Variants in SERF2 observed in about 807,000 individuals in gnomAD.
SERF2 encodes small EDRK-rich factor 2.
SERF2 carries 4 observed loss-of-function variants against 10.7 expected under a neutral mutation model. The ratio of observed to expected loss-of-function variants is 0.37; its 90% confidence interval spans 0.18 to 0.86. SERF2 has a LOEUF of 0.86. Ranked by LOEUF, SERF2 falls within the 40% of genes least tolerant of loss-of-function variation. The probability of loss-of-function intolerance (pLI) is 0.43; values close to 1 mark genes in which losing one functional copy is unlikely to be tolerated. For synonymous variants in SERF2, 26 were observed against 26.0 expected (o/e 1.00, Z 0.01); for missense variants, 47 against 79.1 (o/e 0.59, Z 1.54).
intron 1 of SERF2, among the ~76,000 whole-genome samples, chr15:43,781,488 G>A (rs976673338): frequency 1.6e-4 from 24 of 151,962 alleles, no homozygotes; most frequent in African/African-American, 5.8e-4. Flanking sequence ...GGAGGCAGAG[G>A]TTTCAGTGAG....
chr15:43,794,590 C>G lies in SERF2; in HGVS notation c.*817C>G. The stretch of plus-strand genomic sequence containing the variant: ...CCCTGGTTTGTTCTGTGGTTCTGGG[C>G]TTCTTATATCCGTGTGCCCAGGGCT... On this transcript the variant is annotated 3_prime_UTR_variant, in exon 3 of 3. Transcript: ENST00000249786. 5.8e-6 allele frequency: 1 copy of G among 172,856 alleles called. No individual in the cohort carries two copies. The highest frequency in any genetic ancestry group is 5.6e-5 in the Admixed American group (1 of 17,970). 10.7% of individuals were successfully genotyped at this position (172,856 alleles called of 1,614,324 possible).
rs1567170348 is a variant in SERF2 at position 43,795,253 on chromosome 15, C to G, written c.*1480C>G. On this transcript the variant is annotated 3_prime_UTR_variant, in exon 3 of 3. Coordinates refer to ENST00000249786, the MANE Select transcript of SERF2 (RefSeq NM_001018108.4). ...GCTCTGGTTAGAGAATATGAAGGGC[C>G]TTAGCTTTTAGACCTGTTCTACCTC... The G allele has an allele frequency of 6.2e-7, 1 of 1,607,284 alleles. No individual in the cohort carries two copies. Among genetic ancestry groups the G allele is most frequent in the East Asian group, 2.2e-5 (1 of 44,842 alleles).
In SERF2 at chr15:43,795,601, C is replaced by T; in HGVS notation, c.*1828C>T. On this transcript the variant is annotated 3_prime_UTR_variant, in exon 3 of 3. Transcript: ENST00000249786. ...GCTGAAACACCTCTTCCCCTCTCCC[C>T]CAACTACCTTTGTTAAGGCTCTTGA... The T allele has an allele frequency of 6.2e-7, 1 of 1,611,580 alleles. No individual in the cohort carries two copies. Among genetic ancestry groups the T allele is most frequent in the Non-Finnish European group, 8.5e-7 (1 of 1,177,884 alleles).
chr15:43,782,132 G>A (rs1007702365), intron 1 of SERF2, among the ~76,000 whole-genome samples: 21 of 151,950 alleles, frequency 1.4e-4, no homozygotes, highest in African/African-American at 2.4e-4. Context: ...CAGGTGATCC[G>A]CCCGCCTTGG....
upstream of SERF2, among the ~76,000 whole-genome samples, chr15:43,789,814 C>A: frequency 6.6e-6 from 1 of 151,924 alleles, no homozygotes; most frequent in East Asian, 1.9e-4. Flanking sequence ...TCGAGACCAG[C>A]CTGGCCAACA....
intron 2 of SERF2, among the ~76,000 whole-genome samples, chr15:43,787,197 C>T (rs1170382282): frequency 6.6e-6 from 1 of 151,900 alleles, no homozygotes; most frequent in Non-Finnish European, 1.5e-5. Flanking sequence ...GACGGGGTTT[C>T]ACCGTGTTAG....
chr15:43,792,491 T>C, intron 1 of SERF2, 108 bp downstream of exon 1: 1 of 1,594,240 alleles, frequency 6.3e-7, no homozygotes. Flanking sequence ...AAGGCGTTTC[T>C]CTGGGCGCGC....
chr15:43,795,369 A>G lies in SERF2; in HGVS notation c.*1596A>G. 3 of 1,613,748 alleles carry G rather than the reference A, an allele frequency of 1.9e-6. No homozygotes were observed. Among genetic ancestry groups the G allele is most frequent in the Non-Finnish European group, 2.5e-6 (3 of 1,179,642 alleles). ...TAGCTAGCTCTTCAGGAGAGTATCT[A>G]AGGCCCACTCCATCTTACCTGAACC... is the stretch of plus-strand genomic sequence containing the variant. On this transcript the variant is annotated 3_prime_UTR_variant, in exon 3 of 3. Transcript: ENST00000249786.
intron 2 of SERF2, chr15:43,793,500 T>C: frequency 7.0e-7 from 1 of 1,419,314 alleles, no homozygotes; most frequent in South Asian, 1.5e-5. Context: ...TCACCAGACT[T>C]CTGACCCCTT....
At chr15:43,780,609 G>A (rs891483528) in intron 1 of SERF2, among the ~76,000 whole-genome samples, 1 of 152,020 alleles carries the variant, frequency 6.6e-6, no homozygotes, top group Admixed American at 6.6e-5. Context: ...CCACCCTTCT[G>A]CCTTCTGTAT....
At chr15:43,785,230 G>A (rs1567164809) in intron 1 of SERF2, among the ~76,000 whole-genome samples, 2 of 149,502 alleles carry the variant, frequency 1.3e-5, no homozygotes, top group South Asian at 2.2e-4. Context: ...CACCACACCC[G>A]GCTAATTTTT....
At chr15:43,783,008 C>CTTT (rs61152230) in intron 1 of SERF2, among the ~76,000 whole-genome samples, 14 of 99,818 alleles carry the variant, frequency 1.4e-4, no homozygotes, top group African/African-American at 2.2e-4. Context: ...CCACACCTGG[C>CTTT]TTTTTTTTTT....
Position 43,795,379 on chromosome 15 carries a change from C to G in SERF2, c.*1606C>G. On this transcript the variant is annotated 3_prime_UTR_variant, in exon 3 of 3. Transcript: ENST00000249786. ...TTCAGGAGAGTATCTAAGGCCCACT[C>G]CATCTTACCTGAACCAGTTGGTAAG... 6.2e-7 allele frequency: 1 copy of G among 1,614,112 alleles called. No individual in the cohort carries two copies. The highest frequency in any genetic ancestry group is 1.1e-5 in the South Asian group (1 of 91,068).
rs778999629 is a variant in SERF2, at chr15:43,795,550, A to G, written c.*1777A>G. The stretch of plus-strand genomic sequence containing the variant: ...AGCCCCACCCCTTTGCCCTGGAGAG[A>G]GGAAATGGCTGCTGGGAGCAGAGCT... On this transcript the variant is annotated 3_prime_UTR_variant, in exon 3 of 3. Transcript: ENST00000249786. 2 of 1,614,010 alleles carry G rather than the reference A, an allele frequency of 1.2e-6. No homozygotes were observed. Among genetic ancestry groups the G allele is most frequent in the South Asian group, 2.2e-5 (2 of 91,058 alleles).
Position 43,793,970 on chromosome 15 carries a change from T to TG in SERF2, c.*198dup. 2 of 1,535,590 alleles carry TG rather than the reference T, an allele frequency of 1.3e-6. No homozygotes were observed. Among genetic ancestry groups the TG allele is most frequent in the Non-Finnish European group, 1.8e-6 (2 of 1,140,450 alleles). On this transcript the variant is annotated 3_prime_UTR_variant, in exon 3 of 3. Coordinates refer to ENST00000249786, the MANE Select transcript of SERF2 (RefSeq NM_001018108.4). ...TCTCCCCCTGGGCCACTCCCGGGGG[T>TG]GAGGGGGTTACCCCTTCCCAGTGTT...
At chr15:43,785,704 CTTT>C (rs71415810) in intron 2 of SERF2, among the ~76,000 whole-genome samples, 4 of 122,668 alleles carry the variant, frequency 3.3e-5, no homozygotes, top group South Asian at 2.6e-4. Flanking sequence ...TTTTCTTTTT[CTTT>C]TTTTTTTTTT....
chr15:43,785,987 T>G (rs2087003715), intron 2 of SERF2, among the ~76,000 whole-genome samples: 1 of 151,874 alleles, frequency 6.6e-6, no homozygotes, highest in African/African-American at 2.4e-5. Context: ...ATTATAGGCA[T>G]GAGCCACCAT....
At chr15:43,792,661 C>A (rs1043753521) in intron 1 of SERF2, 2 of 1,338,276 alleles carry the variant, frequency 1.5e-6, no homozygotes, top group Non-Finnish European at 2.0e-6. Context: ...CCCCACTCCA[C>A]AAGCCAGCCC....
chr15:43,786,474 A>G (rs1246072016), intron 2 of SERF2, among the ~76,000 whole-genome samples: 1 of 151,596 alleles, frequency 6.6e-6, no homozygotes, highest in African/African-American at 2.4e-5. Context: ...AGCTGCCTAC[A>G]CTTTAAGATA....
Sources: allele counts gnomAD v4.1 joint callset (sites outside exome capture counted in the v4.1 genomes callset), GRCh38; gene constraint gnomAD v4.1.1; transcripts MANE v1.5; gene names NCBI Gene and HGNC (gene_info 2026-07-23, HGNC 2026-07-21).